Variants in TTLL6 observed in about 807,000 individuals in gnomAD.
The protein encoded by TTLL6 is tubulin tyrosine ligase like 6.
Under a neutral mutation model 96.4 loss-of-function variants are expected in TTLL6, and 75 were observed. That is an observed-to-expected ratio of 0.78 (90% CI 0.65 to 0.94). The LOEUF (loss-of-function observed/expected upper bound fraction) is 0.94, where lower values mean the gene tolerates loss of function less well. Ranked by LOEUF, TTLL6 falls within the 40% of genes least tolerant of loss-of-function variation. The pLI is 0.00. For synonymous variants in TTLL6, 411 were observed against 419.4 expected (o/e 0.98, Z 0.24); for missense variants, 1,030 against 1,093.0 (o/e 0.94, Z 0.81).
intron 1 of TTLL6, 136 bp from the exon 2 acceptor site, chr17:48,805,127 C>T (rs2039487914): frequency 1.4e-6 from 1 of 699,842 alleles, no homozygotes; most frequent in South Asian, 1.9e-5. Context: ...CACCCGGCCT[C>T]CGCGGTTTGA....
intron 13 of TTLL6, among the ~76,000 whole-genome samples, chr17:48,774,087 A>AC (rs1567716875): frequency 8.7e-5 from 9 of 102,860 alleles, no homozygotes; most frequent in South Asian, 2.6e-4. Flanking sequence ...CATCTCAAAA[A>AC]AAACAAAACA....
intron 1 of TTLL6, among the ~76,000 whole-genome samples, chr17:48,806,925 C>T (rs2039513848): frequency 6.6e-6 from 1 of 151,300 alleles, no homozygotes. Flanking sequence ...AGCTACTCGG[C>T]AGGCTGAGGC....
chr17:48,787,190 G>A (rs1422446043), intron 11 of TTLL6, among the ~76,000 whole-genome samples: 1 of 152,092 alleles, frequency 6.6e-6, no homozygotes, highest in African/African-American at 2.4e-5. Flanking sequence ...AAAATGAGCT[G>A]GTAGGAGAGG....
Position 48,801,563 on chromosome 17 carries a change from C to G in TTLL6, c.442G>C (p.Val148Leu). ...ATTTCCATCACCCGCTCCAGTGACACTGAGTAATCTGTCCAATAGAGAGTC... is the reference window on the plus strand; with the variant it reads ...ATTTCCATCACCCGCTCCAGTGACAGTGAGTAATCTGTCCAATAGAGAGTC... ...DWTLYWTDYS[V>L]SLERVMEMKS... The change falls in exon 4 of 16, where the codon GTG becomes CTG. Residue 148 changes from valine to leucine, a missense_variant. Transcript: ENST00000393382. The G allele has an allele frequency of 6.4e-7, 1 of 1,551,940 alleles. No individual in the cohort carries two copies. The highest frequency in any genetic ancestry group is 8.7e-7 in the Non-Finnish European group (1 of 1,147,046).
chr17:48,796,890 T>A (rs909287512), intron 7 of TTLL6, among the ~76,000 whole-genome samples, 171 bp downstream of exon 7: 9 of 152,114 alleles, frequency 5.9e-5, no homozygotes, highest in African/African-American at 9.7e-5. Context: ...AAAATGGGGA[T>A]AATAATCCCT....
chr17:48,771,025 T>C (rs936211976), intron 13 of TTLL6, among the ~76,000 whole-genome samples: 18 of 152,190 alleles, frequency 1.2e-4, no homozygotes, highest in Admixed American at 2.0e-4. Flanking sequence ...TTGCAGCTTT[T>C]TGTCCGAGGA....
At chr17:48,812,064 A>ACCCAC (rs2039602475) in intron 1 of TTLL6, 1 of 76,140 alleles carries the variant, frequency 1.3e-5, no homozygotes, top group Non-Finnish European at 2.5e-5. Context: ...TGATGCTGGG[A>ACCCAC]CCCCCCCCCC....
intron 15 of TTLL6, among the ~76,000 whole-genome samples, chr17:48,767,413 G>T (rs987535489): frequency 2.0e-5 from 3 of 152,110 alleles, no homozygotes; most frequent in Non-Finnish European, 4.4e-5. Context: ...TCAACTAGAG[G>T]AGCTTCATAA....
intron 14 of TTLL6, 79 bp downstream of exon 14, chr17:48,769,649 C>T (rs2038690436): frequency 4.6e-6 from 7 of 1,517,182 alleles, no homozygotes; most frequent in Non-Finnish European, 3.5e-6. Flanking sequence ...ACTGGGAGCT[C>T]CCCAAAGATT....
At chr17:48,809,572 G>A (rs1183041685) in intron 1 of TTLL6, among the ~76,000 whole-genome samples, 1 of 152,152 alleles carries the variant, frequency 6.6e-6, no homozygotes, top group Admixed American at 6.6e-5. Flanking sequence ...CTGCCTCAAA[G>A]AGTAAGCCAG....
At chr17:48,772,788 C>A (rs545412775) in intron 13 of TTLL6, among the ~76,000 whole-genome samples, 1 of 149,700 alleles carries the variant, frequency 6.7e-6, no homozygotes, top group East Asian at 1.9e-4. Context: ...AGTTGGGAAT[C>A]TAAGCAAAAA....
chr17:48,768,229 G>C (rs2038654502), intron 15 of TTLL6, among the ~76,000 whole-genome samples: 1 of 151,860 alleles, frequency 6.6e-6, no homozygotes, highest in African/African-American at 2.4e-5. Flanking sequence ...CAAGTAGCTA[G>C]GACCATAGGC....
chr17:48,789,886 G>A, intron 10 of TTLL6, 45 bp downstream of exon 10: 1 of 1,597,742 alleles, frequency 6.3e-7, no homozygotes, highest in East Asian at 2.2e-5. Flanking sequence ...TGGGAGCAGG[G>A]GAGTCAGAGA....
Position 48,803,932 on chromosome 17 carries a change from C to G in TTLL6, c.324-4G>C. The G allele has an allele frequency of 1.3e-6, 2 of 1,551,858 alleles. No homozygotes were observed. Among genetic ancestry groups the G allele is most frequent in the Non-Finnish European group, 1.7e-6 (2 of 1,147,044 alleles). On this transcript the variant is annotated splice_polypyrimidine_tract_variant and splice_region_variant and intron_variant, in intron 2 of 15. Coordinates refer to ENST00000393382, the MANE Select transcript of TTLL6 (RefSeq NM_001130918.3). ...GCTGGATAGATTGATCACCAATCAT[C>G]TGGAAAAGAGAAAAAGGAAAGCAGC...
At chr17:48,811,145 T>C (rs973821514) in intron 1 of TTLL6, among the ~76,000 whole-genome samples, 4 of 149,340 alleles carry the variant, frequency 2.7e-5, no homozygotes, top group African/African-American at 9.8e-5. Context: ...TTCGGCTCAC[T>C]GCAACCTCTG....
At chr17:48,806,985 G>A (rs1025433797) in intron 1 of TTLL6, among the ~76,000 whole-genome samples, 1 of 151,610 alleles carries the variant, frequency 6.6e-6, no homozygotes, top group Non-Finnish European at 1.5e-5. Flanking sequence ...AGCCAAGATT[G>A]CACTGTTGCA....
intron 13 of TTLL6, among the ~76,000 whole-genome samples, chr17:48,775,160 A>C (rs1284608617): frequency 6.6e-6 from 1 of 152,014 alleles, no homozygotes; most frequent in Non-Finnish European, 1.5e-5. Flanking sequence ...AAATCTATAT[A>C]ATCTCTTGCA....
intron 1 of TTLL6, among the ~76,000 whole-genome samples, chr17:48,810,817 A>ATGTG (rs141240622): frequency 2.6e-5 from 1 of 38,328 alleles, no homozygotes; most frequent in African/African-American, 1.7e-4. Flanking sequence ...CATATATAGT[A>ATGTG]TGTGTGTGTA....
rs970910761 is a variant in TTLL6 at position 48,786,035 on chromosome 17, T to G, written c.1761+129A>C. The stretch of plus-strand genomic sequence containing the variant: ...AGGGCTCCCCGCACCGCCCCGTCGT[T>G]GCCCAGCCCTCTGCACAGCCTTTCG... On this transcript the variant is annotated intron_variant, in intron 12 of 15. Coordinates refer to ENST00000393382, the MANE Select transcript of TTLL6 (RefSeq NM_001130918.3). 4 of 1,397,672 alleles carry G rather than the reference T, an allele frequency of 2.9e-6. No homozygotes were observed. The African/African-American group carries it at 5.8e-5, about 20-fold the overall frequency. The allele number at this position is 1,397,672 out of a possible 1,614,324, so 86.6% of individuals were successfully genotyped here.
Sources: gnomAD v4.1 joint callset for allele counts (sites outside exome capture counted in the v4.1 genomes callset) on GRCh38, gnomAD v4.1.1 for gene constraint, MANE v1.5 for transcripts, NCBI Gene and HGNC (gene_info 2026-07-23, HGNC 2026-07-21) for gene names.